The following FBXL4 variants were observed in gnomAD, a reference collection of about 807,000 sequenced individuals.
FBXL4 encodes F-box and leucine rich repeat protein 4.
FBXL4 carries 40 observed loss-of-function variants against 58.9 expected under a neutral mutation model. That is an observed-to-expected ratio of 0.68 (90% CI 0.53 to 0.88). The LOEUF (loss-of-function observed/expected upper bound fraction) is 0.88. Among genes scored for constraint, FBXL4 ranks in the 40% least tolerant of loss-of-function variants. The pLI, the probability that FBXL4 is intolerant of heterozygous loss-of-function variation, is 0.00. For synonymous variants in FBXL4, 263 were observed against 265.5 expected (o/e 0.99, Z 0.09); for missense variants, 676 against 734.4 (o/e 0.92, Z 0.92).
At chr6:98,924,723 A>G (rs1224646205) in intron 4 of FBXL4, among the ~76,000 whole-genome samples, 3 of 152,212 alleles carry the variant, frequency 2.0e-5, no homozygotes, top group South Asian at 2.1e-4. Flanking sequence ...TATACCAGCA[A>G]TCTCCAAGTT....
intron 4 of FBXL4, among the ~76,000 whole-genome samples, chr6:98,920,809 T>TACACAC (rs1210824270): frequency 9.7e-6 from 1 of 103,010 alleles, no homozygotes; most frequent in Admixed American, 9.4e-5. Flanking sequence ...TACATATGGG[T>TACACAC]ACACACACAT....
At chr6:98,908,682 G>C (rs1312620519) in intron 5 of FBXL4, among the ~76,000 whole-genome samples, 1 of 150,150 alleles carries the variant, frequency 6.7e-6, no homozygotes, top group Non-Finnish European at 1.5e-5. Flanking sequence ...TATTCTGAAA[G>C]ACAAAAAAGG....
At chr6:98,943,579 C>CAAAA (rs59697294) in intron 1 of FBXL4, among the ~76,000 whole-genome samples, 7,976 of 76,150 alleles carry the variant, frequency 0.1, 1,102 homozygotes, top group East Asian at 0.39. Flanking sequence ...GACTCTGTCT[C>CAAAA]AAAAAAAAAA....
At chr6:98,921,808 C>T (rs569035610) in intron 4 of FBXL4, among the ~76,000 whole-genome samples, 2 of 152,124 alleles carry the variant, frequency 1.3e-5, no homozygotes, top group East Asian at 1.9e-4. Flanking sequence ...AAAAAAAATT[C>T]CACATCATTA....
At chr6:98,914,871 G>A (rs1772270921) in intron 5 of FBXL4, among the ~76,000 whole-genome samples, 1 of 152,210 alleles carries the variant, frequency 6.6e-6, no homozygotes, top group African/African-American at 2.4e-5. Flanking sequence ...AAAAGAGGAA[G>A]TCAAATTGTC....
At chr6:98,931,858 T>A (rs1050223764) in intron 2 of FBXL4, among the ~76,000 whole-genome samples, 1 of 152,198 alleles carries the variant, frequency 6.6e-6, no homozygotes, top group Non-Finnish European at 1.5e-5. Flanking sequence ...TCAGGACTCA[T>A]GTGGAGAGCT....
intron 7 of FBXL4, among the ~76,000 whole-genome samples, chr6:98,881,936 T>C (rs1770869254): frequency 6.6e-6 from 1 of 152,034 alleles, no homozygotes; most frequent in African/African-American, 2.4e-5. Context: ...AGGTTTGTTT[T>C]TTTTTTAATT....
At chr6:98,897,211 A>T in intron 7 of FBXL4, 1 of 985,344 alleles carries the variant, frequency 1.0e-6, no homozygotes, top group Non-Finnish European at 1.2e-6. Context: ...TATAGTACTT[A>T]GGCCCATAAA....
At chr6:98,940,620 CT>C (rs1000590680) in intron 1 of FBXL4, among the ~76,000 whole-genome samples, 210 of 151,896 alleles carry the variant, frequency 1.4e-3, no homozygotes, top group African/African-American at 4.9e-3. Context: ...ATTTTCTAAT[CT>C]TTTTTTTGTT....
In FBXL4 at chr6:98,873,361, G is replaced by T. The variant is rs1475961406; in HGVS notation, c.*917C>A. Reference sequence around the variant, plus strand: ...TATCTATAATATGTATATATAATGTGTATATATAATATATATCTCCACATT... The same window carrying T: ...TATCTATAATATGTATATATAATGTTTATATATAATATATATCTCCACATT... On this transcript the variant is annotated 3_prime_UTR_variant, in exon 10 of 10. Transcript: ENST00000369244. The T allele has an allele frequency of 6.8e-6, 1 of 147,774 alleles. No individual in the cohort carries two copies. The highest frequency in any genetic ancestry group is 2.5e-5 in the African/African-American group (1 of 40,582). 9.2% of individuals were successfully genotyped at this position (147,774 alleles called of 1,614,324 possible).
At chr6:98,917,116 T>C (rs1352410163) in intron 5 of FBXL4, among the ~76,000 whole-genome samples, 1 of 152,128 alleles carries the variant, frequency 6.6e-6, no homozygotes, top group African/African-American at 2.4e-5. Flanking sequence ...GTTTTTGTAT[T>C]TGGTTATTAT....
rs57952065 is a variant in FBXL4 at position 98,879,942 on chromosome 6, C to CAAA, written c.1389+608_1389+610dup. Among the ~76,000 whole-genome samples, 193 of 62,224 alleles carry CAAA rather than the reference C, an allele frequency of 3.1e-3. 7 individuals carry two copies. Among genetic ancestry groups the CAAA allele is most frequent in the African/African-American group, 5.9e-3 (89 of 15,148 alleles). The allele number at this position is 62,224 out of a possible 152,430, so 40.8% of individuals were successfully genotyped here. ...CGGGCAACAGAGCAAGACTCCATCTCAAAAAAAAAAAAAAAAAAAAAAAAA... is the reference window on the plus strand; with the variant it reads ...CGGGCAACAGAGCAAGACTCCATCTCAAAAAAAAAAAAAAAAAAAAAAAAAAAA... On this transcript the variant is annotated intron_variant, in intron 8 of 9. Transcript: ENST00000369244.
intron 2 of FBXL4, among the ~76,000 whole-genome samples, chr6:98,929,679 C>T (rs1285098363): frequency 6.6e-6 from 1 of 152,018 alleles, no homozygotes; most frequent in Non-Finnish European, 1.5e-5. Flanking sequence ...CAGTTACAGG[C>T]CATAATGGTT....
intron 5 of FBXL4, among the ~76,000 whole-genome samples, chr6:98,911,034 C>A (rs961757213): frequency 3.2e-5 from 2 of 63,384 alleles, no homozygotes; most frequent in African/African-American, 6.3e-5. Context: ...ATATCCCGCA[C>A]CTGGCTCGGA....
chr6:98,882,632 A>G (rs992189548), intron 7 of FBXL4, among the ~76,000 whole-genome samples: 1 of 151,450 alleles, frequency 6.6e-6, no homozygotes, highest in African/African-American at 2.4e-5. Context: ...CAATTTATCA[A>G]CTCAATATTT....
At chr6:98,912,353 C>A (rs1772123026) in intron 5 of FBXL4, among the ~76,000 whole-genome samples, 1 of 152,050 alleles carries the variant, frequency 6.6e-6, no homozygotes, top group Non-Finnish European at 1.5e-5. Context: ...TCAAGAAGAG[C>A]AACTCCAAGA....
At chr6:98,927,498 C>T (rs1387001986) in intron 3 of FBXL4, among the ~76,000 whole-genome samples, 1 of 152,224 alleles carries the variant, frequency 6.6e-6, no homozygotes, top group Non-Finnish European at 1.5e-5. Context: ...TTATTACTCT[C>T]TTTCAAACAT....
At chr6:98,898,194 CA>C (rs1278218092) in intron 7 of FBXL4, 1 of 675,604 alleles carries the variant, frequency 1.5e-6, no homozygotes, top group Non-Finnish European at 1.8e-6. Context: ...ATGAGCTAGA[CA>C]AACATTCCAG....
chr6:98,905,334 A>G, intron 6 of FBXL4, 92 bp downstream of exon 6: 1 of 1,418,132 alleles, frequency 7.1e-7, no homozygotes, highest in Admixed American at 2.1e-5. Context: ...TACATGTTAC[A>G]TAATTTCAAA....
Sources: allele counts gnomAD v4.1 joint callset (sites outside exome capture counted in the v4.1 genomes callset), GRCh38; gene constraint gnomAD v4.1.1; transcripts MANE v1.5; gene names NCBI Gene and HGNC (gene_info 2026-07-23, HGNC 2026-07-21).